The following CDH23 variants were observed in gnomAD, a reference collection of about 807,000 sequenced individuals.
CDH23 encodes the protein cadherin related 23.
Under a neutral mutation model 317.1 loss-of-function variants are expected in CDH23, and 189 were observed. The observed-to-expected ratio is 0.60, with a 90% CI of 0.53 to 0.67. CDH23 has a LOEUF of 0.67. Among genes scored for constraint, CDH23 ranks in the 30% least tolerant of loss-of-function variants. CDH23 has a pLI of 0.00. For missense variants in CDH23, 4,401 were observed against 4,592.4 expected (o/e 0.96, Z 1.20); for synonymous variants, 1,839 against 1,876.8 (o/e 0.98, Z 0.52).
intron 3 of CDH23, among the ~76,000 whole-genome samples, chr10:71,469,260 C>A (rs1851396659): frequency 1.3e-5 from 2 of 152,176 alleles, no homozygotes; most frequent in Admixed American, 1.3e-4. Flanking sequence ...ATATCCATCA[C>A]CCCCAGGTTT....
At position 71,477,272 on chromosome 10, in the gene CDH23, G is replaced by A. The variant is rs150392998; in HGVS notation, c.145+30877G>A. Among the ~76,000 whole-genome samples the A allele has an allele frequency of 8.8e-3, 1,333 of 152,276 alleles. 14 individuals are homozygous for A. Among genetic ancestry groups the A allele is most frequent in the Middle Eastern group, 0.014 (4 of 294 alleles). ...CAACCTCCGCCTCCCAGGTTCAAGC[G>A]ATTCTCCTGCCTCAGCTTCCCGAGC... On this transcript the variant is annotated intron_variant, in intron 3 of 69. Coordinates refer to ENST00000224721, the MANE Select transcript of CDH23 (RefSeq NM_022124.6).
chr10:71,545,344 C>A (rs947667682), intron 6 of CDH23, among the ~76,000 whole-genome samples: 3 of 152,142 alleles, frequency 2.0e-5, no homozygotes, highest in Non-Finnish European at 4.4e-5. Context: ...TCTCATCCAC[C>A]GTGCGTTTCA....
At chr10:71,643,323 C>T (rs566263706) in intron 11 of CDH23, among the ~76,000 whole-genome samples, 3 of 152,226 alleles carry the variant, frequency 2.0e-5, no homozygotes, top group South Asian at 2.1e-4. Context: ...GAGGGAGAGG[C>T]GTGTGTTCCC....
intron 9 of CDH23, among the ~76,000 whole-genome samples, chr10:71,590,878 A>AAAAAAC (rs1564673732): frequency 1.9e-4 from 24 of 128,594 alleles, no homozygotes; most frequent in Non-Finnish European, 2.4e-4. Flanking sequence ...GTCTCTAAAA[A>AAAAAAC]AAAAAAAACA....
At chr10:71,591,230 T>TC (rs1464456531) in intron 9 of CDH23, among the ~76,000 whole-genome samples, 1 of 152,220 alleles carries the variant, frequency 6.6e-6, no homozygotes, top group Non-Finnish European at 1.5e-5. Flanking sequence ...GAATGCTGGT[T>TC]CCCCAACTGT....
At chr10:71,656,520 G>T (rs936287236) in intron 14 of CDH23, among the ~76,000 whole-genome samples, 1 of 152,228 alleles carries the variant, frequency 6.6e-6, no homozygotes, top group African/African-American at 2.4e-5. Context: ...CCAGGGGCAG[G>T]AGGCAGATGA....
intron 11 of CDH23, among the ~76,000 whole-genome samples, chr10:71,642,984 A>T (rs1256551410): frequency 6.6e-6 from 1 of 152,248 alleles, no homozygotes; most frequent in Non-Finnish European, 1.5e-5. Flanking sequence ...CCAGTGATGC[A>T]AGTGCTCTGC....
At chr10:71,422,587 A>G (rs1355366069) in intron 1 of CDH23, among the ~76,000 whole-genome samples, 1 of 152,226 alleles carries the variant, frequency 6.6e-6, no homozygotes. Flanking sequence ...TTCTGGCTCT[A>G]GATTTCTGTC....
intron 9 of CDH23, among the ~76,000 whole-genome samples, chr10:71,605,518 A>G (rs1376330631): frequency 6.6e-6 from 1 of 152,236 alleles, no homozygotes; most frequent in East Asian, 1.9e-4. Context: ...CACAGTGCTG[A>G]GTCTGAAAAC....
intron 38 of CDH23, chr10:71,760,626 A>C (rs1301370727): frequency 1.0e-5 from 5 of 499,388 alleles, no homozygotes; most frequent in African/African-American, 1.9e-5. Flanking sequence ...GTCACTGCCA[A>C]GGCACAGCCA....
intron 6 of CDH23, among the ~76,000 whole-genome samples, chr10:71,556,249 G>A (rs1856870016): frequency 6.6e-6 from 1 of 152,160 alleles, no homozygotes; most frequent in Non-Finnish European, 1.5e-5. Flanking sequence ...GAAATGAGAT[G>A]CTGGATGAGT....
intron 9 of CDH23, among the ~76,000 whole-genome samples, chr10:71,592,981 T>C (rs914993811): frequency 6.6e-6 from 1 of 152,194 alleles, no homozygotes; most frequent in African/African-American, 2.4e-5. Context: ...AGGGGTCAGA[T>C]TGGCCAGCTT....
chr10:71,439,988 G>A (rs930111943), intron 2 of CDH23, 90 bp downstream of exon 2: 1 of 1,015,100 alleles, frequency 9.9e-7, no homozygotes, highest in Non-Finnish European at 1.5e-6. Flanking sequence ...GTTCATCTTT[G>A]TGCTCTGGGA....
intron 3 of CDH23, among the ~76,000 whole-genome samples, chr10:71,474,987 G>A (rs942343592): frequency 1.3e-5 from 2 of 152,218 alleles, no homozygotes; most frequent in Non-Finnish European, 2.9e-5. Flanking sequence ...GACCCTTGAT[G>A]ACTTCAAGTA....
At chr10:71,535,347 G>A (rs185899950) in intron 6 of CDH23, among the ~76,000 whole-genome samples, 4 of 152,302 alleles carry the variant, frequency 2.6e-5, no homozygotes, top group Non-Finnish European at 4.4e-5. Context: ...CACACAGGGC[G>A]TGGCCCCTCC....
chr10:71,723,700 G>A (rs759163776), intron 28 of CDH23, among the ~76,000 whole-genome samples: 12 of 152,262 alleles, frequency 7.9e-5, no homozygotes, highest in Non-Finnish European at 1.5e-4. Context: ...AAAGGCTGCC[G>A]GGTAGGGAAT....
At chr10:71,809,104 A>C (rs1661040784) in intron 60 of CDH23, among the ~76,000 whole-genome samples, 7 of 151,674 alleles carry the variant, frequency 4.6e-5, no homozygotes, top group Admixed American at 4.6e-4. Flanking sequence ...TTGTCTTTTA[A>C]GAGAAGACTA....
At position 71,799,749 on chromosome 10, in the gene CDH23, C is replaced by T. The variant is rs1841506933; in HGVS notation, c.7362+120C>T. On this transcript the variant is annotated intron_variant, in intron 52 of 69. Coordinates refer to ENST00000224721, the MANE Select transcript of CDH23 (RefSeq NM_022124.6). ...GTCTTGTCGCCTGGACATCTGCATC[C>T]CCAGAGGTTCTTTAGCCAAGTCAGC... 9 of 1,360,830 alleles carry T rather than the reference C, an allele frequency of 6.6e-6. No homozygotes were observed. In the East Asian group the frequency reaches 2.1e-4, roughly 32 times the overall value. The allele number at this position is 1,360,830 out of a possible 1,614,324, so 84.3% of individuals were successfully genotyped here. A position where few individuals can be genotyped will look rare whatever the true frequency, so the allele number is the denominator to read the frequency against.
intron 1 of CDH23, among the ~76,000 whole-genome samples, chr10:71,403,446 TTCCTTCCTTTCCTTCC>T (rs1406582090): frequency 0.01 from 680 of 66,604 alleles, 47 homozygotes; most frequent in African/African-American, 0.016. Context: ...CCTTCCTTCC[TTCCTTCCTTTCCTTCC>T]TTCCTTCCTT....
Sources: allele counts gnomAD v4.1 joint callset (sites outside exome capture counted in the v4.1 genomes callset), GRCh38; gene constraint gnomAD v4.1.1; transcripts MANE v1.5; gene names NCBI Gene and HGNC (gene_info 2026-07-23, HGNC 2026-07-21).